Variants in LAMC1 observed in about 807,000 individuals in gnomAD.
The protein encoded by LAMC1 is laminin subunit gamma-1.
In LAMC1, 38 loss-of-function variants were observed where a neutral mutation model predicts 173.6. The ratio of observed to expected loss-of-function variants is 0.22; its 90% CI spans 0.17 to 0.29. The LOEUF (loss-of-function observed/expected upper bound fraction) is 0.29. LAMC1 is among the 10% of genes least tolerant of loss of function. The probability of loss-of-function intolerance (pLI) is 1.00; values close to 1 mark genes in which losing one functional copy is unlikely to be tolerated. For synonymous variants in LAMC1, 746 were observed against 749.1 expected, an observed-to-expected ratio of 1.00 and a Z score of 0.07; for missense variants, 1,824 against 2,051.8, an observed-to-expected ratio of 0.89 and a Z score of 2.14.
intron 1 of LAMC1, among the ~76,000 whole-genome samples, chr1:183,102,129 A>T (rs1655853158): frequency 6.6e-6 from 1 of 152,186 alleles, no homozygotes; most frequent in Non-Finnish European, 1.5e-5. Context: ...CCAGAGAGAG[A>T]CAAAGCGGGG....
intron 1 of LAMC1, among the ~76,000 whole-genome samples, chr1:183,097,482 A>G (rs12752502): frequency 1.3e-5 from 2 of 152,336 alleles, no homozygotes; most frequent in African/African-American, 2.4e-5. Context: ...GTAAAATTCT[A>G]TATGGCTATT....
intron 1 of LAMC1, among the ~76,000 whole-genome samples, chr1:183,026,473 A>G (rs61081633): frequency 0.5 from 75,717 of 151,866 alleles, 19,583 homozygotes; most frequent in South Asian, 0.64. Context: ...TATGACAAGT[A>G]GGCAAGGTGT....
chr1:183,055,150 G>A (rs1368004490), intron 1 of LAMC1, among the ~76,000 whole-genome samples: 9 of 151,768 alleles, frequency 5.9e-5, no homozygotes, highest in African/African-American at 2.2e-4. Context: ...CACCGCGCCT[G>A]GCTAATTTTT....
At position 183,127,421 on chromosome 1, in the gene LAMC1, GCATT is replaced by G. The variant is rs778580689; in HGVS notation, c.3123+29_3123+32del. Reference sequence around the variant, plus strand: ...AAGGATAAGGTAAGCTGTCAATAGTGCATTCATTCATTCATCCAGCAGACGTTGA... The same window carrying G: ...AAGGATAAGGTAAGCTGTCAATAGTGCATTCATTCATCCAGCAGACGTTGA... On this transcript the variant is annotated intron_variant, in intron 17 of 27. Coordinates refer to ENST00000258341, the MANE Select transcript of LAMC1 (RefSeq NM_002293.4). 2 of 1,611,306 alleles carry G rather than the reference GCATT, an allele frequency of 1.2e-6. No individual in the cohort carries two copies. Among genetic ancestry groups the G allele is most frequent in the Non-Finnish European group, 1.7e-6 (2 of 1,177,734 alleles).
chr1:183,138,151 C>T (rs1394741374), intron 26 of LAMC1: 4 of 767,420 alleles, frequency 5.2e-6, no homozygotes, highest in Non-Finnish European at 6.3e-6. Flanking sequence ...AAAAGGAATG[C>T]AATGAAGTTA....
Position 183,023,812 on chromosome 1 carries a change from T to G in LAMC1, c.96T>G (p.Cys32Trp), listed in dbSNP as rs1484615297. 6.4e-7 allele frequency: 1 copy of G among 1,557,054 alleles called. No individual in the cohort carries two copies. Among genetic ancestry groups the G allele is most frequent in the Non-Finnish European group, 8.7e-7 (1 of 1,152,254 alleles). The change falls in exon 1 of 28, where the codon TGT (cysteine) becomes TGG (tryptophan). Residue 32 changes from cysteine to tryptophan, a missense_variant. By Grantham distance (215) the Cys-to-Trp change is radical (BLOSUM62 -2). Coordinates refer to ENST00000258341, the MANE Select transcript of LAMC1 (RefSeq NM_002293.4). The stretch of plus-strand genomic sequence containing the variant: ...TGGCGGCGGCCGCCGCGGCGGGCTG[T>G]GCCCAGGCAGCCATGGACGAGTGCA... ...AVLAAAAAAG[C>W]AQAAMDECTD... is the part of the protein sequence containing the mutation.
chr1:183,084,067 A>G (rs1442093066), intron 1 of LAMC1, among the ~76,000 whole-genome samples: 1 of 152,220 alleles, frequency 6.6e-6, no homozygotes, highest in Non-Finnish European at 1.5e-5. Flanking sequence ...TAAAAAGCAT[A>G]TTATTGGCTG....
intron 1 of LAMC1, among the ~76,000 whole-genome samples, chr1:183,069,059 A>G (rs971365195): frequency 3.3e-5 from 5 of 152,132 alleles, no homozygotes; most frequent in African/African-American, 1.2e-4. Flanking sequence ...TTCTGCCTGG[A>G]GTATATGTTT....
intron 1 of LAMC1, among the ~76,000 whole-genome samples, chr1:183,080,174 G>T (rs370802708): frequency 1.3e-5 from 2 of 152,208 alleles, no homozygotes; most frequent in African/African-American, 4.8e-5. Context: ...AACCTGGGAA[G>T]CGGAGGTTGC....
At chr1:183,078,253 C>A (rs1335675166) in intron 1 of LAMC1, among the ~76,000 whole-genome samples, 3 of 152,094 alleles carry the variant, frequency 2.0e-5, no homozygotes, top group Non-Finnish European at 2.9e-5. Context: ...TCCTCATATC[C>A]CAAAATCTTG....
chr1:183,096,574 G>A (rs1371241373), intron 1 of LAMC1: 3 of 152,278 alleles, frequency 2.0e-5, no homozygotes, highest in South Asian at 2.1e-4. Flanking sequence ...AAACATGACT[G>A]TTGAAGCCCT....
intron 22 of LAMC1, 135 bp from the exon 23 acceptor site, chr1:183,134,522 AAAG>A (rs944473767): frequency 5.1e-5 from 31 of 612,164 alleles, no homozygotes; most frequent in Non-Finnish European, 7.4e-5. Context: ...ATTTTTTAAA[AAAG>A]TCCATAAAAT....
chr1:183,033,371 C>T (rs919423557), intron 1 of LAMC1, among the ~76,000 whole-genome samples: 7 of 152,220 alleles, frequency 4.6e-5, no homozygotes, highest in African/African-American at 1.7e-4. Flanking sequence ...CCTCTGTTCT[C>T]ACCTCACTTT....
At chr1:183,133,187 A>G (rs1319859913) in intron 21 of LAMC1, among the ~76,000 whole-genome samples, 1 of 152,206 alleles carries the variant, frequency 6.6e-6, no homozygotes, top group African/African-American at 2.4e-5. Context: ...CTGGGATTAC[A>G]GGCGTGAGCC....
At position 183,077,776 on chromosome 1, in the gene LAMC1, G is replaced by GTGTGTGTGTATATATATATATATATA; in HGVS notation, c.419-25551_419-25550insGTGTGTGTATATATATATATATATAT. Among the ~76,000 whole-genome samples the GTGTGTGTGTATATATATATATATATA allele has an allele frequency of 3.2e-3, 371 of 116,504 alleles. 23 individuals carry two copies. The highest frequency in any genetic ancestry group is 0.012 in the South Asian group (39 of 3,352). The allele number at this position is 116,504 out of a possible 152,430, so 76.4% of individuals were successfully genotyped here. On this transcript the variant is annotated intron_variant, in intron 1 of 27. Coordinates refer to ENST00000258341, the MANE Select transcript of LAMC1 (RefSeq NM_002293.4). ...TGAATAGTATTTTTATGGCCATTGTGTATATATATATATATATATACAGTA... is the reference window on the plus strand; with the variant it reads ...TGAATAGTATTTTTATGGCCATTGTGTGTGTGTGTATATATATATATATATATATATATATATATATATATACAGTA...
At chr1:183,067,509 G>A (rs1654905266) in intron 1 of LAMC1, among the ~76,000 whole-genome samples, 1 of 152,058 alleles carries the variant, frequency 6.6e-6, no homozygotes, top group Admixed American at 6.6e-5. Flanking sequence ...GTTTTTGAGA[G>A]ACGGAGTCTC....
In LAMC1 at chr1:183,116,901, T is replaced by C. The variant is rs369569578; in HGVS notation, c.1562T>C (p.Ile521Thr). 1.4e-5 allele frequency: 23 copies of C among 1,613,350 alleles called. No individual in the cohort carries two copies. Among genetic ancestry groups the C allele is most frequent in the Middle Eastern group, 1.6e-4 (1 of 6,062 alleles). ...TATTCTATCTCCTCTACCTTTCAGATTGGTAATTTAGACCTCATCCCCCAA... is the reference window on the plus strand; with the variant it reads ...TATTCTATCTCCTCTACCTTTCAGACTGGTAATTTAGACCTCATCCCCCAA... ...SVYSISSTFQ[I>T]DEDGWRAEQR... The change falls in exon 8 of 28, where the codon ATT (isoleucine) becomes ACT (threonine). Residue 521 changes from isoleucine (I) to threonine (T), a missense_variant and splice_region_variant. By Grantham distance (89) the Ile-to-Thr change is moderately conservative (BLOSUM62 -1). Transcript: ENST00000258341.
At chr1:183,123,293 C>G (rs772419538) in intron 13 of LAMC1, among the ~76,000 whole-genome samples, 3 of 152,194 alleles carry the variant, frequency 2.0e-5, no homozygotes, top group Non-Finnish European at 4.4e-5. Flanking sequence ...GTTCAAACCT[C>G]TGTTATCTCT....
chr1:183,135,002 GCTTTGAGGGTTCATC>G (rs754998543), intron 23 of LAMC1, 25 bp from the exon 24 acceptor site: 1 of 1,520,338 alleles, frequency 6.6e-7, no homozygotes, highest in South Asian at 1.1e-5. Context: ...GAAGGGATTT[GCTTTGAGGGTTCATC>G]CTCTCATCTG....
Sources: gnomAD v4.1 joint callset for allele counts (sites outside exome capture counted in the v4.1 genomes callset) on GRCh38, gnomAD v4.1.1 for gene constraint, MANE v1.5 for transcripts, NCBI Gene and HGNC (gene_info 2026-07-23, HGNC 2026-07-21) for gene names.